The following ARHGAP21 variants were observed in gnomAD, a reference collection of about 807,000 sequenced individuals.
The protein encoded by ARHGAP21 is Rho GTPase activating protein 21.
A neutral mutation model predicts 164.6 loss-of-function variants in ARHGAP21; 38 were observed. That is an observed-to-expected ratio of 0.23 (90% CI 0.18 to 0.30). The LOEUF (loss-of-function observed/expected upper bound fraction) is 0.30, where lower values mean the gene tolerates loss of function less well. Ranked by LOEUF, ARHGAP21 falls within the 10% of genes least tolerant of loss-of-function variation. The probability of loss-of-function intolerance (pLI) is 1.00; values close to 1 mark genes in which losing one functional copy is unlikely to be tolerated. For missense variants in ARHGAP21, 1,822 were observed against 2,370.7 expected (o/e 0.77, Z 4.81); for synonymous variants, 766 against 857.9 (o/e 0.89, Z 1.87).
chr10:24,682,820 A>C (rs1174238990), intron 2 of ARHGAP21, among the ~76,000 whole-genome samples: 1 of 152,012 alleles, frequency 6.6e-6, no homozygotes, highest in Non-Finnish European at 1.5e-5. Flanking sequence ...CATTTAAGAG[A>C]TAAAAGATGA....
chr10:24,598,625 G>T (rs1238027489), intron 14 of ARHGAP21, among the ~76,000 whole-genome samples: 1 of 152,142 alleles, frequency 6.6e-6, no homozygotes, highest in Non-Finnish European at 1.5e-5. Flanking sequence ...ACCATAAAGT[G>T]ATCCTTTTTT....
rs554012970 is a variant in ARHGAP21, at chr10:24,678,298, T to C, written c.64-7901A>G. On this transcript the variant is annotated intron_variant, in intron 2 of 25. Transcript: ENST00000396432. ...TGTACTCGTTGTGTGTTTAGTTCTGTGCAGGGTTATCACATTATGTAAGTG... is the reference window on the plus strand; with the variant it reads ...TGTACTCGTTGTGTGTTTAGTTCTGCGCAGGGTTATCACATTATGTAAGTG... 2.6e-5 allele frequency among the ~76,000 whole-genome samples: 4 copies of C among 152,316 alleles called. No individual in the cohort carries two copies. In the East Asian group the frequency reaches 7.7e-4, roughly 29 times the overall value.
At chr10:24,594,362 G>A (rs2076481473) in intron 21 of ARHGAP21, among the ~76,000 whole-genome samples, 1 of 152,068 alleles carries the variant, frequency 6.6e-6, no homozygotes, top group South Asian at 2.1e-4. Context: ...AAAACTGAAT[G>A]GGGCTGCGCA....
chr10:24,623,825 C>T (rs1834818268), intron 7 of ARHGAP21, among the ~76,000 whole-genome samples: 1 of 152,190 alleles, frequency 6.6e-6, no homozygotes, highest in Non-Finnish European at 1.5e-5. Context: ...AACTTATTCA[C>T]CATGGAGGCC....
At chr10:24,588,124 G>A (rs2130718233) in intron 25 of ARHGAP21, among the ~76,000 whole-genome samples, 1 of 152,266 alleles carries the variant, frequency 6.6e-6, no homozygotes, top group East Asian at 1.9e-4. Flanking sequence ...TCTGTATAAG[G>A]AAGTAAAGAA....
At chr10:24,717,027 T>C (rs1240208935) in intron 2 of ARHGAP21, among the ~76,000 whole-genome samples, 1 of 152,164 alleles carries the variant, frequency 6.6e-6, no homozygotes, top group Admixed American at 6.5e-5. Flanking sequence ...AGGTCAGCAA[T>C]AGAGATATAC....
At chr10:24,705,026 C>T (rs899796428) in intron 2 of ARHGAP21, among the ~76,000 whole-genome samples, 12 of 152,132 alleles carry the variant, frequency 7.9e-5, no homozygotes, top group Admixed American at 6.5e-4. Flanking sequence ...CTTTTGATAT[C>T]GCTGGCTTAC....
intron 2 of ARHGAP21, among the ~76,000 whole-genome samples, chr10:24,697,991 A>G (rs879487289): frequency 1.3e-5 from 2 of 152,218 alleles, no homozygotes; most frequent in Non-Finnish European, 2.9e-5. Context: ...TTGTTGATAA[A>G]GCTAGTAAAT....
At chr10:24,719,131 C>CACA (rs1593399371) in intron 2 of ARHGAP21, among the ~76,000 whole-genome samples, 4 of 111,708 alleles carry the variant, frequency 3.6e-5, no homozygotes, top group Non-Finnish European at 7.4e-5. Context: ...ACACACACAC[C>CACA]CCAAAAATCA....
chr10:24,659,114 G>A (rs1251309589), intron 4 of ARHGAP21, among the ~76,000 whole-genome samples: 1 of 152,168 alleles, frequency 6.6e-6, no homozygotes, highest in African/African-American at 2.4e-5. Flanking sequence ...TAGCCACTGT[G>A]GAAAACGGTT....
At chr10:24,657,579 G>T (rs1839199101) in intron 4 of ARHGAP21, among the ~76,000 whole-genome samples, 1 of 131,168 alleles carries the variant, frequency 7.6e-6, no homozygotes, top group African/African-American at 3.0e-5. Context: ...AACGGGCCAG[G>T]ATGACAATGG....
At chr10:24,699,840 T>C (rs1156503920) in intron 2 of ARHGAP21, among the ~76,000 whole-genome samples, 1 of 152,190 alleles carries the variant, frequency 6.6e-6, no homozygotes, top group East Asian at 1.9e-4. Flanking sequence ...AGCATCTCTG[T>C]AGAGTTGGTT....
intron 4 of ARHGAP21, among the ~76,000 whole-genome samples, chr10:24,649,555 C>T (rs1452240074): frequency 6.6e-6 from 1 of 152,130 alleles, no homozygotes. Context: ...GGCTAAACTG[C>T]ACATGGACAT....
At chr10:24,647,868 C>CA (rs1213845114) in intron 4 of ARHGAP21, among the ~76,000 whole-genome samples, 2 of 152,192 alleles carry the variant, frequency 1.3e-5, no homozygotes, top group African/African-American at 2.4e-5. Flanking sequence ...CAGACAGTCT[C>CA]ACTCTGTTCC....
chr10:24,625,056 G>GGGGGA (rs1834970446), intron 7 of ARHGAP21, among the ~76,000 whole-genome samples: 1 of 81,170 alleles, frequency 1.2e-5, no homozygotes, highest in African/African-American at 5.6e-5. Context: ...AAAGTGGGGG[G>GGGGGA]GGGGGGGGAG....
At chr10:24,598,337 T>C (rs555145924) in intron 14 of ARHGAP21, among the ~76,000 whole-genome samples, 1 of 152,374 alleles carries the variant, frequency 6.6e-6, no homozygotes, top group South Asian at 2.1e-4. Context: ...TTTTCTCTAA[T>C]ACCAGAAAGA....
intron 17 of ARHGAP21, 166 bp from the exon 18 acceptor site, chr10:24,596,209 ATATTT>A: frequency 1.7e-6 from 1 of 580,112 alleles, no homozygotes; most frequent in Non-Finnish European, 2.8e-6. Flanking sequence ...CCTGCAAGAG[ATATTT>A]GAGACAGTAA....
chr10:24,676,452 C>T (rs1225375035), intron 2 of ARHGAP21, among the ~76,000 whole-genome samples: 1 of 152,102 alleles, frequency 6.6e-6, no homozygotes, highest in Non-Finnish European at 1.5e-5. Context: ...AACATAGGCT[C>T]GCATTCTCGC....
chr10:24,689,417 A>T (rs183492925), intron 2 of ARHGAP21, among the ~76,000 whole-genome samples: 22 of 152,306 alleles, frequency 1.4e-4, no homozygotes, highest in Admixed American at 1.3e-3. Context: ...TTCGAGACAT[A>T]TACATATTCT....
Sources: gnomAD v4.1 joint callset for allele counts (sites outside exome capture counted in the v4.1 genomes callset) on GRCh38, gnomAD v4.1.1 for gene constraint, MANE v1.5 for transcripts, NCBI Gene and HGNC (gene_info 2026-07-23, HGNC 2026-07-21) for gene names.